Variants in DPP6 observed in about 807,000 individuals in gnomAD.
DPP6 encodes the protein A-type potassium channel modulatory protein DPP6.
In DPP6, 69 loss-of-function variants were observed where a neutral mutation model predicts 122.6. That is an observed-to-expected ratio of 0.56 (90% CI 0.46 to 0.69). The LOEUF is 0.69. DPP6 is among the 30% of genes least tolerant of loss of function. DPP6 has a pLI of 0.00. For missense variants in DPP6, 928 were observed against 1,116.9 expected (o/e 0.83, Z 2.41); for synonymous variants, 418 against 433.1 (o/e 0.97, Z 0.43).
Position 154,128,399 on chromosome 7 carries a change from ACTGT to A in DPP6, c.243+75339_243+75342del, listed in dbSNP as rs1231500419. On this transcript the variant is annotated intron_variant, in intron 1 of 25. Transcript: ENST00000377770. ...ATTCGAGACTGGGCAACATAGTGAG[ACTGT>A]CTATTTTTCTTTTTTTGAGACGGAG... Among the ~76,000 whole-genome samples, 4 of 152,096 alleles carry A rather than the reference ACTGT, an allele frequency of 2.6e-5. No individual in the cohort carries two copies. In the East Asian group the frequency reaches 5.8e-4, roughly 22 times the overall value.
At chr7:154,142,209 A>C (rs1368403746) in intron 1 of DPP6, among the ~76,000 whole-genome samples, 7 of 151,470 alleles carry the variant, frequency 4.6e-5, no homozygotes, top group Non-Finnish European at 2.9e-5. Context: ...TAGAGATTTT[A>C]ATTTAAATGC....
At chr7:153,808,983 A>G in the DPP6 span, among the ~76,000 whole-genome samples, 1 of 152,070 alleles carries the variant, frequency 6.6e-6, no homozygotes, top group Non-Finnish European at 1.5e-5. Flanking sequence ...ACTACTTTCC[A>G]TAATGACTAT....
upstream of DPP6, among the ~76,000 whole-genome samples, chr7:153,886,802 G>A (rs1301037599): frequency 1.3e-5 from 2 of 152,132 alleles, no homozygotes; most frequent in Non-Finnish European, 2.9e-5. Context: ...CCGCTCCCTC[G>A]CCAGACTTGC....
chr7:154,889,445 T>C lies in DPP6; in HGVS notation c.2378-12T>C. 1 of 1,570,652 alleles carries C rather than the reference T, an allele frequency of 6.4e-7. No homozygotes were observed. The highest frequency in any genetic ancestry group is 8.6e-7 in the Non-Finnish European group (1 of 1,162,268). On this transcript the variant is annotated splice_polypyrimidine_tract_variant and intron_variant, in intron 24 of 25. Transcript: ENST00000377770. ...ATGTCTTCCTCTCTTTTTTTTTTTT[T>C]TTTTTGCACAGAAAAAATTCATTTC...
At chr7:153,836,148 CAGT>C in the DPP6 span, among the ~76,000 whole-genome samples, 1 of 152,220 alleles carries the variant, frequency 6.6e-6, no homozygotes, top group African/African-American at 2.4e-5. Flanking sequence ...CGTGCACACT[CAGT>C]GGTGCACAGA....
At chr7:154,754,454 A>G (rs901743075) in intron 8 of DPP6, among the ~76,000 whole-genome samples, 1 of 152,204 alleles carries the variant, frequency 6.6e-6, no homozygotes, top group Admixed American at 6.5e-5. Flanking sequence ...CACAATCTCA[A>G]TTATTTTTAA....
intron 1 of DPP6, among the ~76,000 whole-genome samples, chr7:154,332,136 A>T (rs1809000392): frequency 6.6e-6 from 1 of 151,560 alleles, no homozygotes; most frequent in Non-Finnish European, 1.5e-5. Flanking sequence ...CAGTGGTGCA[A>T]TCCCAGCTCA....
intron 7 of DPP6, among the ~76,000 whole-genome samples, chr7:154,683,023 A>G (rs1839378951): frequency 6.6e-6 from 1 of 151,950 alleles, no homozygotes; most frequent in Non-Finnish European, 1.5e-5. Context: ...TAGTTCAGCT[A>G]TTTCCACTCT....
At chr7:154,701,711 C>T (rs1453487544) in intron 7 of DPP6, among the ~76,000 whole-genome samples, 1 of 152,180 alleles carries the variant, frequency 6.6e-6, no homozygotes, top group African/African-American at 2.4e-5. Context: ...CATAAATCTC[C>T]AGACTGCATC....
chr7:154,094,686 C>T (rs1805197915), intron 1 of DPP6: 1 of 152,070 alleles, frequency 6.6e-6, no homozygotes, highest in Admixed American at 6.6e-5. Flanking sequence ...ATATGGGTAC[C>T]ACTGGGACGT....
At chr7:154,111,066 C>G (rs1301974057) in intron 1 of DPP6, among the ~76,000 whole-genome samples, 1 of 152,174 alleles carries the variant, frequency 6.6e-6, no homozygotes, top group South Asian at 2.1e-4. Context: ...GCTTCGAGCT[C>G]AAGCCTAAAA....
In DPP6 at chr7:154,475,022, G is replaced by A; in HGVS notation, c.442G>A (p.Ala148Thr). 1 of 1,613,472 alleles carries A rather than the reference G, an allele frequency of 6.2e-7. No individual in the cohort carries two copies. The highest frequency in any genetic ancestry group is 1.1e-5 in the South Asian group (1 of 91,068). The change falls in exon 3 of 26, where the codon GCT (alanine) becomes ACT (threonine). Residue 148 changes from alanine to threonine, a missense_variant. Coordinates refer to ENST00000377770, the MANE Select transcript of DPP6 (RefSeq NM_130797.4). ...SEDFKIHDPEAKWISDTEFIY... is the reference protein window; with the variant it reads ...SEDFKIHDPETKWISDTEFIY... The stretch of plus-strand genomic sequence containing the variant: ...AGACTTCAAAATTCATGACCCCGAG[G>A]CTAAGTGGATAAGTGGTGAGTCCAG...
At chr7:153,843,231 CAT>C in the DPP6 span, among the ~76,000 whole-genome samples, 302 of 152,048 alleles carry the variant, frequency 2.0e-3, 3 homozygotes, top group African/African-American at 7.1e-3. Flanking sequence ...CATACACGCA[CAT>C]ACACACGCAC....
chr7:154,525,983 C>T (rs1021909780), intron 3 of DPP6, among the ~76,000 whole-genome samples: 9 of 152,088 alleles, frequency 5.9e-5, no homozygotes, highest in Admixed American at 2.0e-4. Context: ...TATCATGTTG[C>T]GTACTTTTTA....
At chr7:154,837,688 G>A (rs1349221751) in intron 16 of DPP6, among the ~76,000 whole-genome samples, 1 of 152,210 alleles carries the variant, frequency 6.6e-6, no homozygotes, top group Non-Finnish European at 1.5e-5. Context: ...TTTATCTTCT[G>A]AAAGAATGAG....
intron 1 of DPP6, among the ~76,000 whole-genome samples, chr7:154,419,827 G>A (rs78502936): frequency 0.057 from 8,648 of 152,100 alleles, 775 homozygotes; most frequent in African/African-American, 0.19. Flanking sequence ...ATTCCCACCA[G>A]CAGTGTGCTC....
intron 2 of DPP6, among the ~76,000 whole-genome samples, chr7:154,468,789 A>G (rs76717076): frequency 0.037 from 5,646 of 152,294 alleles, 110 homozygotes; most frequent in African/African-American, 0.059. Flanking sequence ...GTATTATGTG[A>G]CTAATTTTGA....
chr7:154,250,629 C>T (rs764305078), intron 1 of DPP6, among the ~76,000 whole-genome samples: 9 of 152,162 alleles, frequency 5.9e-5, no homozygotes, highest in Non-Finnish European at 1.0e-4. Context: ...ATTCAGACAG[C>T]TTTATTTAAT....
At chr7:154,558,250 T>C (rs1228619628) in intron 4 of DPP6, among the ~76,000 whole-genome samples, 1 of 152,146 alleles carries the variant, frequency 6.6e-6, no homozygotes, top group African/African-American at 2.4e-5. Context: ...GATTTCCCTT[T>C]GAGACCTCGG....
Sources: gnomAD v4.1 joint callset for allele counts (sites outside exome capture counted in the v4.1 genomes callset) on GRCh38, gnomAD v4.1.1 for gene constraint, MANE v1.5 for transcripts, NCBI Gene and HGNC (gene_info 2026-07-23, HGNC 2026-07-21) for gene names.